The following CLOCK variants were observed in gnomAD, a reference collection of about 807,000 sequenced individuals.
CLOCK encodes the protein clock circadian regulator.
A neutral mutation model predicts 118.4 loss-of-function variants in CLOCK; 43 were observed. The ratio of observed to expected loss-of-function variants is 0.36; its 90% confidence interval spans 0.28 to 0.47. The LOEUF is 0.47. CLOCK is among the 20% of genes least tolerant of loss of function. CLOCK has a pLI of 1.00. For synonymous variants in CLOCK, 326 were observed against 339.2 expected, an observed-to-expected ratio of 0.96 and a Z score of 0.43; for missense variants, 846 against 999.9, an observed-to-expected ratio of 0.85 and a Z score of 2.08.
intron 3 of CLOCK, among the ~76,000 whole-genome samples, chr4:55,483,123 T>C (rs1330080612): frequency 5.3e-5 from 8 of 152,184 alleles, no homozygotes; most frequent in Admixed American, 1.3e-4. Context: ...TTTGACTATA[T>C]AACTACAAAT....
intron 9 of CLOCK, among the ~76,000 whole-genome samples, chr4:55,461,505 G>C (rs940329444): frequency 6.6e-6 from 1 of 152,172 alleles, no homozygotes; most frequent in Non-Finnish European, 1.5e-5. Context: ...TGGCCAGCTT[G>C]ATCATCAGAA....
At chr4:55,449,790 A>AAG (rs1724255521) in intron 16 of CLOCK, among the ~76,000 whole-genome samples, 1 of 150,088 alleles carries the variant, frequency 6.7e-6, no homozygotes, top group African/African-American at 2.4e-5. Flanking sequence ...AAGCAAACCT[A>AAG]AGAACACTTA....
intron 7 of CLOCK, among the ~76,000 whole-genome samples, chr4:55,472,732 T>C (rs1726231231): frequency 1.3e-5 from 2 of 149,952 alleles, no homozygotes; most frequent in Admixed American, 1.3e-4. Context: ...CCCTCCCCCT[T>C]GTCCCCCCCC....
intron 1 of CLOCK, among the ~76,000 whole-genome samples, chr4:55,533,522 A>G (rs1730688376): frequency 6.6e-6 from 1 of 152,204 alleles, no homozygotes; most frequent in African/African-American, 2.4e-5. Flanking sequence ...AGTATTTTAG[A>G]TACATATTAG....
chr4:55,476,394 T>C (rs1169355368), intron 6 of CLOCK, among the ~76,000 whole-genome samples: 1 of 152,138 alleles, frequency 6.6e-6, no homozygotes, highest in Non-Finnish European at 1.5e-5. Flanking sequence ...CAATTCTTTT[T>C]TTCCTTTTCC....
Position 55,438,324 on chromosome 4 carries a change from T to G in CLOCK, c.2319A>C (p.Pro773=), listed in dbSNP as rs141175897. Residue 773 remains proline (P), a synonymous_variant, in exon 22 of 23, where the codon CCA becomes CCC. Transcript: ENST00000513440. Reference sequence around the variant, plus strand: ...GTGGCTGGGTCAGCTGAGCCTGAGATGGTTGCTGAACTGAAGTGAGCTGCT... The same window carrying G: ...GTGGCTGGGTCAGCTGAGCCTGAGAGGGTTGCTGAACTGAAGTGAGCTGCT... ...QEQQLTSVQQ[P]SQAQLTQPPQ... 3.8e-4 allele frequency: 617 copies of G among 1,613,980 alleles called. No homozygotes were observed. The highest frequency in any genetic ancestry group is 5.1e-4 in the Non-Finnish European group (599 of 1,180,008).
chr4:55,454,875 C>A (rs188047438), intron 13 of CLOCK, among the ~76,000 whole-genome samples: 1 of 149,650 alleles, frequency 6.7e-6, no homozygotes, highest in African/African-American at 2.5e-5. Context: ...CCGCCGCCAC[C>A]GCCTCTCACT....
chr4:55,443,715 T>C lies in CLOCK; in HGVS notation c.1874A>G (p.Gln625Arg), dbSNP rs1277051320. The change falls in exon 20 of 23, where the codon CAA becomes CGA. Residue 625 changes from glutamine to arginine, a missense_variant. Gln to Arg is a conservative substitution (Grantham distance 43, BLOSUM62 1). Around this residue, in one of 4 missense-constraint regions of CLOCK, gnomAD observed 520 missense variants for 558.0 expected, o/e 0.93. Transcript: ENST00000513440. ...HIGTTQHMIQ[Q>R]QTLQSTSTQS... ...AGTTGATGTACTCTGTAAAGTCTGT[T>C]GTTGTATCATGTGCTGAGTTGTGCC... 1 of 1,614,114 alleles carries C rather than the reference T, an allele frequency of 6.2e-7. No individual in the cohort carries two copies. The highest frequency in any genetic ancestry group is 1.1e-5 in the South Asian group (1 of 91,088).
At position 55,442,446 on chromosome 4, in the gene CLOCK, C is replaced by G; in HGVS notation, c.2091G>C (p.Gln697His). ...ATGACAACTACCTTATCTGCCTGTC[C>G]TGAGTGAATGTAGTTACTGCAGCAC... is the stretch of plus-strand genomic sequence containing the variant. Reference protein sequence around the residue: ...TQSAAVTTFTQDRQIRFSQGQ... With the variant: ...TQSAAVTTFTHDRQIRFSQGQ... Residue 697 changes from glutamine to histidine, a missense_variant, in exon 21 of 23, where the codon CAG (glutamine) becomes CAC (histidine). By Grantham distance (24) the Gln-to-His change is conservative (BLOSUM62 0). Around this residue, in one of 4 missense-constraint regions of CLOCK, gnomAD observed 520 missense variants for 558.0 expected, o/e 0.93. Coordinates refer to ENST00000513440, the MANE Select transcript of CLOCK (RefSeq NM_004898.4). 1 of 1,607,768 alleles carries G rather than the reference C, an allele frequency of 6.2e-7. No homozygotes were observed. Among genetic ancestry groups the G allele is most frequent in the African/African-American group, 1.4e-5 (1 of 72,850 alleles).
intron 1 of CLOCK, among the ~76,000 whole-genome samples, chr4:55,519,758 C>G (rs1438874698): frequency 6.6e-6 from 1 of 151,908 alleles, no homozygotes; most frequent in Admixed American, 6.6e-5. Context: ...GCCTGGGTAA[C>G]AGAGCAAAAA....
intron 3 of CLOCK, among the ~76,000 whole-genome samples, chr4:55,485,495 G>A (rs757218994): frequency 2.9e-4 from 44 of 152,126 alleles, no homozygotes; most frequent in Non-Finnish European, 6.0e-4. Flanking sequence ...CAAGTCCCAC[G>A]CTTTCAATTC....
intron 2 of CLOCK, among the ~76,000 whole-genome samples, chr4:55,494,226 A>T (rs1727902679): frequency 6.6e-6 from 1 of 151,810 alleles, no homozygotes; most frequent in East Asian, 1.9e-4. Flanking sequence ...AAGCTATACG[A>T]CTCTACACCT....
At chr4:55,475,883 A>T in intron 7 of CLOCK, 80 bp downstream of exon 7, 1 of 916,820 alleles carries the variant, frequency 1.1e-6, no homozygotes, top group Non-Finnish European at 1.8e-6. Flanking sequence ...AATATCGCCA[A>T]GGTACACCTG....
At chr4:55,482,450 T>C (rs189202269) in intron 4 of CLOCK, among the ~76,000 whole-genome samples, 78 of 152,296 alleles carry the variant, frequency 5.1e-4, no homozygotes, top group Non-Finnish European at 6.8e-4. Flanking sequence ...CAAGGAAACA[T>C]TTGCAACTGT....
chr4:55,510,536 A>T (rs1729072714), intron 1 of CLOCK, among the ~76,000 whole-genome samples: 2 of 150,318 alleles, frequency 1.3e-5, no homozygotes, highest in Non-Finnish European at 3.0e-5. Flanking sequence ...CTGAGGCAGG[A>T]GAATAGCTTT....
chr4:55,457,064 T>A (rs1724972078), intron 11 of CLOCK, among the ~76,000 whole-genome samples: 1 of 152,164 alleles, frequency 6.6e-6, no homozygotes, highest in Non-Finnish European at 1.5e-5. Flanking sequence ...TTTGGGTGGG[T>A]ACTTCTCACT....
chr4:55,472,541 T>C (rs1726216662), intron 7 of CLOCK, among the ~76,000 whole-genome samples: 2 of 152,244 alleles, frequency 1.3e-5, no homozygotes, highest in Non-Finnish European at 2.9e-5. Context: ...TCTTGTTTAC[T>C]TAAATGGCTC....
At chr4:55,540,084 T>C (rs933704930) in intron 1 of CLOCK, among the ~76,000 whole-genome samples, 1 of 151,178 alleles carries the variant, frequency 6.6e-6, no homozygotes, top group African/African-American at 2.4e-5. Context: ...CTCTGCTCAC[T>C]GCAACCTCTG....
intron 1 of CLOCK, among the ~76,000 whole-genome samples, chr4:55,519,652 T>G (rs944815380): frequency 4.6e-5 from 7 of 151,680 alleles, no homozygotes; most frequent in Admixed American, 3.9e-4. Flanking sequence ...GTGGTGCACT[T>G]CTGTAATCCC....
Sources: gnomAD v4.1 joint callset for allele counts (sites outside exome capture counted in the v4.1 genomes callset) on GRCh38, gnomAD v4.1.1 for gene constraint, gnomAD v4.1.1 regional missense constraint, MANE v1.5 for transcripts, NCBI Gene and HGNC (gene_info 2026-07-23, HGNC 2026-07-21) for gene names.